Variants in UNC80 observed in about 807,000 individuals in gnomAD.
The protein encoded by UNC80 is unc-80 subunit of NALCN channel complex, also known as protein unc-80 homolog.
Under a neutral mutation model 384.6 loss-of-function variants are expected in UNC80, and 164 were observed. The observed-to-expected ratio is 0.43, with a 90% CI of 0.38 to 0.49. The LOEUF is 0.49. Ranked by LOEUF, UNC80 falls within the 20% of genes least tolerant of loss-of-function variation. The pLI is 0.00. For synonymous variants in UNC80, 1,486 were observed against 1,527.8 expected, an observed-to-expected ratio of 0.97 and a Z score of 0.64; for missense variants, 3,330 against 4,143.0, an observed-to-expected ratio of 0.80 and a Z score of 5.39.
At position 209,943,363 on chromosome 2, in the gene UNC80, C is replaced by G. The variant is rs1321077963; in HGVS notation, c.6916-17C>G. On this transcript the variant is annotated splice_polypyrimidine_tract_variant and intron_variant, in intron 44 of 64. Coordinates refer to ENST00000673920, the MANE Select transcript of UNC80 (RefSeq NM_001371986.1). ...CTTCATTAAGGCATTTTTTGAATAT[C>G]TGGCATTTTTCCATAGGTGTACTCC... The G allele has an allele frequency of 6.5e-7, 1 of 1,549,744 alleles. No individual in the cohort carries two copies. Among genetic ancestry groups the G allele is most frequent in the Admixed American group, 2.0e-5 (1 of 50,352 alleles).
Position 209,995,520 on chromosome 2 carries a change from A to G in UNC80, c.9900A>G (p.Leu3300=). ...AGGAAAATGGCATGGAGAACCCGCT[A>G]CTATCTAGTCAGTTCACCTTTACTC... ...ISEENGMENP[L]LSSQFTFTPT... The change falls in exon 65 of 65, where the codon CTA becomes CTG. Residue 3300 remains leucine (L), a synonymous_variant. Transcript: ENST00000673920. The G allele has an allele frequency of 6.4e-7, 1 of 1,551,926 alleles. No homozygotes were observed.
intron 61 of UNC80, among the ~76,000 whole-genome samples, chr2:209,991,535 T>C (rs982616479): frequency 3.9e-5 from 6 of 152,216 alleles, no homozygotes; most frequent in African/African-American, 1.4e-4. Flanking sequence ...TACTCGATTT[T>C]AAAGCTCCTG....
intron 17 of UNC80, among the ~76,000 whole-genome samples, 153 bp from the exon 18 acceptor site, chr2:209,834,759 G>A (rs552999770): frequency 8.5e-5 from 13 of 152,346 alleles, no homozygotes; most frequent in Non-Finnish European, 1.5e-4. Flanking sequence ...TAATGGTGCG[G>A]TATAAATTCT....
At chr2:209,797,664 G>A (rs1049445991) in intron 7 of UNC80, among the ~76,000 whole-genome samples, 1 of 151,958 alleles carries the variant, frequency 6.6e-6, no homozygotes, top group African/African-American at 2.4e-5. Context: ...GTTCCTCTGG[G>A]TATATACCCA....
chr2:209,850,907 G>T (rs2124841106), intron 22 of UNC80, among the ~76,000 whole-genome samples: 1 of 152,106 alleles, frequency 6.6e-6, no homozygotes, highest in Non-Finnish European at 1.5e-5. Context: ...GTGGGATAGT[G>T]GAAACTTAGC....
intron 22 of UNC80, among the ~76,000 whole-genome samples, chr2:209,861,747 G>A (rs2083356651): frequency 6.6e-6 from 1 of 152,042 alleles, no homozygotes; most frequent in Admixed American, 6.6e-5. Flanking sequence ...CAACTTCTTA[G>A]TGGTTTAGTC....
chr2:209,875,495 C>T (rs998973609), intron 23 of UNC80, among the ~76,000 whole-genome samples: 1 of 152,150 alleles, frequency 6.6e-6, no homozygotes, highest in African/African-American at 2.4e-5. Context: ...CTCAGCATTC[C>T]TGGGTAGCTA....
In UNC80 at chr2:209,933,883, C is replaced by T. The variant is rs1265457465; in HGVS notation, c.6056C>T (p.Ala2019Val). 6.4e-7 allele frequency: 1 copy of T among 1,551,318 alleles called. No homozygotes were observed. Among genetic ancestry groups the T allele is most frequent in the East Asian group, 2.4e-5 (1 of 40,906 alleles). Residue 2019 changes from alanine to valine, a missense_variant, in exon 39 of 65, where the codon GCC becomes GTC. By Grantham distance (64) the Ala-to-Val change is moderately conservative. This residue lies in a region of UNC80 where 1,049 missense variants were observed against 1,488.6 expected (regional missense o/e 0.70). Coordinates refer to ENST00000673920, the MANE Select transcript of UNC80 (RefSeq NM_001371986.1). ...GAGTGGGGGATGGATGCCATTTCAG[C>T]CACCCTGACATTCCTGTGGGAGGTG... ...PCEWGMDAIS[A>V]TLTFLWEVVG...
chr2:209,778,209 C>G (rs2076970465), intron 4 of UNC80, among the ~76,000 whole-genome samples: 1 of 152,126 alleles, frequency 6.6e-6, no homozygotes, highest in Admixed American at 6.5e-5. Context: ...TCCAGGCCAG[C>G]CTGGCCAACA....
intron 58 of UNC80, among the ~76,000 whole-genome samples, chr2:209,978,243 A>G (rs1451976112): frequency 6.6e-6 from 1 of 152,218 alleles, no homozygotes. Flanking sequence ...CAACCTTGGA[A>G]AATAAAATAG....
At chr2:209,841,093 C>T (rs1336046864) in intron 20 of UNC80, among the ~76,000 whole-genome samples, 1 of 151,982 alleles carries the variant, frequency 6.6e-6, no homozygotes. Context: ...GAAAGAATCT[C>T]GGGATGACCT....
At chr2:209,969,612 C>A in intron 52 of UNC80, 156 bp from the exon 53 acceptor site, 1 of 1,005,206 alleles carries the variant, frequency 9.9e-7, no homozygotes, top group Non-Finnish European at 1.4e-6. Flanking sequence ...TCTTCTTCCC[C>A]TCCCAGTATG....
At chr2:209,864,498 A>G (rs1035877273) in intron 22 of UNC80, among the ~76,000 whole-genome samples, 5 of 152,106 alleles carry the variant, frequency 3.3e-5, no homozygotes, top group Non-Finnish European at 7.4e-5. Context: ...GACTGAGGCC[A>G]CCCCTTCCCC....
At chr2:209,866,523 CACACACACACAGAGAG>C (rs1559226967) in intron 22 of UNC80, among the ~76,000 whole-genome samples, 70 of 137,130 alleles carry the variant, frequency 5.1e-4, no homozygotes, top group African/African-American at 2.0e-3. Flanking sequence ...CACACACACA[CACACACACACAGAGAG>C]AGAGAGAGAG....
At position 209,995,407 on chromosome 2, in the gene UNC80, T is replaced by C; in HGVS notation, c.9787T>C (p.Ser3263Pro). The C allele has an allele frequency of 2.6e-6, 4 of 1,551,982 alleles. No homozygotes were observed. Among genetic ancestry groups the C allele is most frequent in the Non-Finnish European group, 3.5e-6 (4 of 1,147,054 alleles). Residue 3263 changes from serine to proline, a missense_variant, in exon 65 of 65, where the codon TCT (serine) becomes CCT (proline). This residue lies in a region of UNC80 where 236 missense variants were observed against 254.9 expected (regional missense o/e 0.93). Transcript: ENST00000673920. Reference sequence around the variant, plus strand: ...AGGTGCTACTGCACACAGTCCACTCTCTGCCCAACTCTCTGACCCTGATGA... The same window carrying C: ...AGGTGCTACTGCACACAGTCCACTCCCTGCCCAACTCTCTGACCCTGATGA... ...AQGATAHSPL[S>P]AQLSDPDDFT... is the part of the protein sequence containing the mutation.
At chr2:209,795,051 A>G in intron 7 of UNC80, 1 of 212,930 alleles carries the variant, frequency 4.7e-6, no homozygotes, top group Non-Finnish European at 9.6e-6. Flanking sequence ...GAAGTGTGGA[A>G]AAGTTTGGAA....
At chr2:209,889,486 AG>A (rs2086132980) in intron 26 of UNC80, among the ~76,000 whole-genome samples, 2 of 152,032 alleles carry the variant, frequency 1.3e-5, no homozygotes. Context: ...CTCTGTCCCT[AG>A]GTCTTTTTAT....
Position 209,973,286 on chromosome 2 carries a change from C to G in UNC80, c.8587+16C>G. 1 of 1,547,312 alleles carries G rather than the reference C, an allele frequency of 6.5e-7. No homozygotes were observed. Among genetic ancestry groups the G allele is most frequent in the Non-Finnish European group, 8.7e-7 (1 of 1,144,140 alleles). The stretch of plus-strand genomic sequence containing the variant: ...GCATACTTGGGTTGGTACTTTCTCT[C>G]TCTCTCTCTCTGTTTGTGCATGTGT... On this transcript the variant is annotated intron_variant, in intron 56 of 64. Coordinates refer to ENST00000673920, the MANE Select transcript of UNC80 (RefSeq NM_001371986.1).
At chr2:209,783,031 A>G (rs1346982670) in intron 4 of UNC80, among the ~76,000 whole-genome samples, 3 of 152,160 alleles carry the variant, frequency 2.0e-5, no homozygotes, top group Non-Finnish European at 4.4e-5. Context: ...TAACCAATCC[A>G]TATGTGTAAA....
Sources: allele counts gnomAD v4.1 joint callset (sites outside exome capture counted in the v4.1 genomes callset), GRCh38; gene constraint gnomAD v4.1.1; regional missense constraint gnomAD v4.1.1; transcripts MANE v1.5; gene names NCBI Gene and HGNC (gene_info 2026-07-23, HGNC 2026-07-21).